Variants in SLC23A2 observed in about 807,000 individuals in gnomAD.
The protein encoded by SLC23A2 is Na(+)/L-ascorbic acid transporter 2.
In SLC23A2, 36 loss-of-function variants were observed where a neutral mutation model predicts 73.3. That is an observed-to-expected ratio of 0.49 (90% CI 0.38 to 0.65). The LOEUF is 0.65. SLC23A2 is among the 30% of genes least tolerant of loss of function. The probability of loss-of-function intolerance (pLI) is 0.00; values close to 1 mark genes in which losing one functional copy is unlikely to be tolerated. For synonymous variants in SLC23A2, 343 were observed against 327.3 expected, an observed-to-expected ratio of 1.05 and a Z score of -0.52; for missense variants, 507 against 841.6, an observed-to-expected ratio of 0.60 and a Z score of 4.92.
intron 2 of SLC23A2, among the ~76,000 whole-genome samples, chr20:4,959,651 C>A (rs1471512602): frequency 2.0e-5 from 3 of 152,022 alleles, no homozygotes; most frequent in Non-Finnish European, 4.4e-5. Context: ...GTGTGCGCTA[C>A]CACACCTGGC....
intron 2 of SLC23A2, among the ~76,000 whole-genome samples, chr20:4,962,347 C>T (rs1207433347): frequency 6.6e-6 from 1 of 152,040 alleles, no homozygotes; most frequent in Non-Finnish European, 1.5e-5. Flanking sequence ...AGTAAGATGG[C>T]AGCCACGTGA....
intron 2 of SLC23A2, among the ~76,000 whole-genome samples, chr20:4,961,166 G>A (rs1471876269): frequency 2.0e-5 from 3 of 149,492 alleles, no homozygotes; most frequent in Non-Finnish European, 3.0e-5. Context: ...GGAGTGCGGC[G>A]GCACGATCTT....
Position 4,857,804 on chromosome 20 carries a change from G to A in SLC23A2, c.1721-600C>T, listed in dbSNP as rs965489648. Among the ~76,000 whole-genome samples, 2 of 152,082 alleles carry A rather than the reference G, an allele frequency of 1.3e-5. No individual in the cohort carries two copies. The highest frequency in any genetic ancestry group is 4.8e-5 in the African/African-American group (2 of 41,406). On this transcript the variant is annotated intron_variant, in intron 16 of 16. Coordinates refer to ENST00000338244, the MANE Select transcript of SLC23A2 (RefSeq NM_005116.6). The surrounding 1 kb of genome is among the most constrained non-coding windows in gnomAD (Gnocchi z 4.0). ...AAATTAGCTGGGCGTGGTGGTGCAT[G>A]CCTGTAATCTTAACTACTCAGGAGG...
At chr20:4,882,919 C>T (rs1294155929) in intron 9 of SLC23A2, among the ~76,000 whole-genome samples, 2 of 152,188 alleles carry the variant, frequency 1.3e-5, no homozygotes, top group South Asian at 2.1e-4. Flanking sequence ...CATATACCTA[C>T]ACATAATCAA....
rs567115105 is a variant in SLC23A2 at position 4,963,677 on chromosome 20, G to A, written c.-155+7116C>T. On this transcript the variant is annotated intron_variant, in intron 2 of 16. Transcript: ENST00000338244. ...AGCCTGCCCAACATGGTGAAAACTCGTCTCTACTAAAAATATAAAAATTAG... is the reference window on the plus strand; with the variant it reads ...AGCCTGCCCAACATGGTGAAAACTCATCTCTACTAAAAATATAAAAATTAG... 3.7e-4 allele frequency among the ~76,000 whole-genome samples: 56 copies of A among 152,030 alleles called. 1 individual carries two copies. Among genetic ancestry groups the A allele is most frequent in the Non-Finnish European group, 6.9e-4 (47 of 67,982 alleles).
rs534355612 is a variant in SLC23A2, at chr20:4,912,791, T to G, written c.207+89A>C. ...GCCCCAGACGAAGGACATGCAAGTG[T>G]CTGAAAGGGATCCGGATCCAGATCC... is the stretch of plus-strand genomic sequence containing the variant. On this transcript the variant is annotated intron_variant, in intron 4 of 16. Coordinates refer to ENST00000338244, the MANE Select transcript of SLC23A2 (RefSeq NM_005116.6). 17 of 833,480 alleles carry G rather than the reference T, an allele frequency of 2.0e-5. No homozygotes were observed. In the African/African-American group the frequency reaches 2.8e-4, roughly 14 times the overall value. 51.6% of individuals were successfully genotyped at this position (833,480 alleles called of 1,614,324 possible). A position where few individuals can be genotyped will look rare whatever the true frequency, so the allele number is the denominator to read the frequency against.
intron 15 of SLC23A2, among the ~76,000 whole-genome samples, chr20:4,861,548 T>C (rs571958304): frequency 6.6e-6 from 1 of 152,184 alleles, no homozygotes; most frequent in Non-Finnish European, 1.5e-5. Flanking sequence ...AGCCACGTGA[T>C]TTTGCTCTGA....
At chr20:4,936,481 T>G (rs1312136658) in intron 2 of SLC23A2, among the ~76,000 whole-genome samples, 1 of 151,542 alleles carries the variant, frequency 6.6e-6, no homozygotes, top group Admixed American at 6.6e-5. Flanking sequence ...AGAGAGGGGG[T>G]CTCATTATGT....
chr20:4,968,026 C>A (rs757561170), intron 2 of SLC23A2, among the ~76,000 whole-genome samples: 2 of 152,226 alleles, frequency 1.3e-5, no homozygotes, highest in African/African-American at 4.8e-5. Flanking sequence ...CACCAACCAT[C>A]CAACTAGATC....
chr20:4,934,357 C>CCA (rs1445609010), intron 2 of SLC23A2, among the ~76,000 whole-genome samples: 2 of 151,954 alleles, frequency 1.3e-5, no homozygotes, highest in Non-Finnish European at 2.9e-5. Context: ...AGGACAGATC[C>CCA]CACACCAAGA....
chr20:4,964,231 G>C (rs1600180033), intron 2 of SLC23A2, among the ~76,000 whole-genome samples: 1 of 152,068 alleles, frequency 6.6e-6, no homozygotes, highest in African/African-American at 2.4e-5. Flanking sequence ...CTGGGCTCAA[G>C]CAATCCGCCC....
chr20:4,936,975 A>G (rs2086970614), intron 2 of SLC23A2, among the ~76,000 whole-genome samples: 1 of 152,152 alleles, frequency 6.6e-6, no homozygotes, highest in Non-Finnish European at 1.5e-5. Context: ...GGAAGAGGGG[A>G]GCACCTTTCA....
intron 4 of SLC23A2, among the ~76,000 whole-genome samples, chr20:4,910,757 T>C (rs956063454): frequency 2.6e-5 from 4 of 152,184 alleles, no homozygotes; most frequent in African/African-American, 9.7e-5. Flanking sequence ...ATTTAATATG[T>C]AGCAGCTCTT....
chr20:4,961,415 C>A (rs1227986966), intron 2 of SLC23A2, among the ~76,000 whole-genome samples: 1 of 152,106 alleles, frequency 6.6e-6, no homozygotes, highest in Non-Finnish European at 1.5e-5. Flanking sequence ...AAATTTTACG[C>A]CCTCTTTATC....
At chr20:4,914,034 G>A (rs1487939428) in intron 3 of SLC23A2, among the ~76,000 whole-genome samples, 2 of 151,826 alleles carry the variant, frequency 1.3e-5, no homozygotes. Flanking sequence ...TAAGGTAACT[G>A]TATATATGGT....
At chr20:4,909,994 G>A (rs1932085563) in intron 4 of SLC23A2, among the ~76,000 whole-genome samples, 2 of 152,168 alleles carry the variant, frequency 1.3e-5, no homozygotes, top group South Asian at 4.1e-4. Context: ...TGGCACACAG[G>A]GCAGCACATC....
chr20:4,866,162 C>T (rs1930189672), intron 13 of SLC23A2, among the ~76,000 whole-genome samples: 1 of 152,124 alleles, frequency 6.6e-6, no homozygotes, highest in Admixed American at 6.5e-5. Flanking sequence ...TAAATCATCT[C>T]GACATTACTT....
Position 4,852,967 on chromosome 20 carries a change from C to G in SLC23A2, c.*4005G>C, listed in dbSNP as rs1267368717. ...GGGCAGACGCTGAACGCTGGCAAAA[C>G]CGGGTGGCCGTTCTTGCACTACTCG... On this transcript the variant is annotated 3_prime_UTR_variant, in exon 17 of 17. Coordinates refer to ENST00000338244, the MANE Select transcript of SLC23A2 (RefSeq NM_005116.6). The surrounding 1 kb of genome is among the most constrained non-coding windows in gnomAD (Gnocchi z 4.3). The G allele has an allele frequency of 6.6e-6, 1 of 152,572 alleles. No homozygotes were observed. The allele number at this position is 152,572 out of a possible 1,614,324, so 9.5% of individuals were successfully genotyped here.
chr20:4,887,790 C>T (rs1931164184), intron 6 of SLC23A2, among the ~76,000 whole-genome samples: 1 of 152,220 alleles, frequency 6.6e-6, no homozygotes, highest in Non-Finnish European at 1.5e-5. Flanking sequence ...CCAGGCAACA[C>T]CGCCTGACAC....
Sources: gnomAD v4.1 joint callset for allele counts (sites outside exome capture counted in the v4.1 genomes callset) on GRCh38, gnomAD v4.1.1 for gene constraint, Gnocchi (gnomAD v3.1) non-coding constraint, MANE v1.5 for transcripts, NCBI Gene and HGNC (gene_info 2026-07-23, HGNC 2026-07-21) for gene names.